Variants in RRAS2 observed in about 807,000 individuals in gnomAD.
RRAS2 encodes ras-related protein R-Ras2.
Under a neutral mutation model 27.6 loss-of-function variants are expected in RRAS2, and 7 were observed. The ratio of observed to expected loss-of-function variants is 0.25; its 90% CI spans 0.14 to 0.48. RRAS2 has a LOEUF of 0.48. RRAS2 is among the 20% of genes least tolerant of loss of function. The probability of loss-of-function intolerance (pLI) is 0.99; values close to 1 mark genes in which losing one functional copy is unlikely to be tolerated. For missense variants in RRAS2, 178 were observed against 256.2 expected, an observed-to-expected ratio of 0.69 and a Z score of 2.08; for synonymous variants, 86 against 90.9, an observed-to-expected ratio of 0.95 and a Z score of 0.31.
chr11:14,296,331 T>C (rs1289995987), intron 1 of RRAS2, among the ~76,000 whole-genome samples: 1 of 152,226 alleles, frequency 6.6e-6, no homozygotes, highest in African/African-American at 2.4e-5. Flanking sequence ...TTACCCTCTA[T>C]GACAATTCCC....
intron 1 of RRAS2, among the ~76,000 whole-genome samples, chr11:14,333,457 T>TA (rs1848522980): frequency 6.6e-6 from 1 of 152,114 alleles, no homozygotes; most frequent in South Asian, 2.1e-4. Flanking sequence ...GCATGTTCAA[T>TA]AAAGAAAATC....
intron 1 of RRAS2, among the ~76,000 whole-genome samples, chr11:14,314,814 G>A (rs1310564651): frequency 2.0e-5 from 3 of 152,044 alleles, no homozygotes; most frequent in Non-Finnish European, 4.4e-5. Context: ...TCAGCCTCCA[G>A]AGTAGCTGGG....
At chr11:14,297,598 C>T (rs916761584) in intron 1 of RRAS2, among the ~76,000 whole-genome samples, 5 of 152,078 alleles carry the variant, frequency 3.3e-5, no homozygotes, top group African/African-American at 7.2e-5. Flanking sequence ...CGCATCTCCA[C>T]GAAAAATTTA....
chr11:14,354,038 A>C (rs1206940101), intron 1 of RRAS2, among the ~76,000 whole-genome samples: 1 of 152,252 alleles, frequency 6.6e-6, no homozygotes, highest in African/African-American at 2.4e-5. Context: ...AAAATCTTCG[A>C]GATGTAGCAA....
intron 1 of RRAS2, among the ~76,000 whole-genome samples, chr11:14,297,015 G>C (rs868939152): frequency 6.6e-6 from 1 of 152,198 alleles, no homozygotes; most frequent in Middle Eastern, 3.4e-3. Flanking sequence ...TTGGTGACAG[G>C]ATGAGACCCT....
intron 1 of RRAS2, among the ~76,000 whole-genome samples, chr11:14,315,963 A>C (rs1434004063): frequency 1.3e-5 from 2 of 152,212 alleles, no homozygotes; most frequent in Non-Finnish European, 2.9e-5. Flanking sequence ...CTGTGATAAG[A>C]ATGTAAAAAT....
chr11:14,341,989 C>T lies in RRAS2; in HGVS notation c.108+16774G>A, dbSNP rs150234233. 9.6e-5 allele frequency: 52 copies of T among 543,410 alleles called. 1 individual carries two copies. Among genetic ancestry groups the T allele is most frequent in the African/African-American group, 4.7e-4 (24 of 50,566 alleles). 33.7% of individuals were successfully genotyped at this position (543,410 alleles called of 1,614,324 possible). ...ATCATATGATAGTATTCCTAAACTA[C>T]GTTTTGGAGAGGACACCACTGCAAA... On this transcript the variant is annotated intron_variant, in intron 1 of 5. Coordinates refer to ENST00000256196, the MANE Select transcript of RRAS2 (RefSeq NM_012250.6).
chr11:14,318,191 G>A (rs1225826430), intron 1 of RRAS2, among the ~76,000 whole-genome samples: 1 of 152,076 alleles, frequency 6.6e-6, no homozygotes, highest in African/African-American at 2.4e-5. Context: ...CTATATGGAT[G>A]TTCACTTCTT....
At chr11:14,294,372 ATT>A in intron 4 of RRAS2, 97 bp downstream of exon 4, 2 of 563,298 alleles carry the variant, frequency 3.6e-6, no homozygotes, top group Non-Finnish European at 5.7e-6. Flanking sequence ...GGAGCACCGT[ATT>A]TTTTTTTTAC....
chr11:14,315,732 A>AC (rs1848087000), intron 1 of RRAS2, among the ~76,000 whole-genome samples: 1 of 152,196 alleles, frequency 6.6e-6, no homozygotes, highest in Admixed American at 6.5e-5. Flanking sequence ...CTTAAAGTCT[A>AC]CTAAAAAAAA....
At chr11:14,334,289 GT>G (rs539039434) in intron 1 of RRAS2, among the ~76,000 whole-genome samples, 19 of 150,550 alleles carry the variant, frequency 1.3e-4, no homozygotes, top group Admixed American at 3.3e-4. Context: ...CTTTGTCCTG[GT>G]TTTTTTTTCC....
At chr11:14,336,236 G>A (rs935029046) in intron 1 of RRAS2, among the ~76,000 whole-genome samples, 2 of 152,054 alleles carry the variant, frequency 1.3e-5, no homozygotes, top group Admixed American at 6.6e-5. Context: ...CAGTAACAAG[G>A]CAGCACTTCC....
chr11:14,346,116 T>C (rs933384680), intron 1 of RRAS2, among the ~76,000 whole-genome samples: 5 of 152,166 alleles, frequency 3.3e-5, no homozygotes, highest in Admixed American at 6.5e-5. Flanking sequence ...TAAATATGTT[T>C]TGGAGACAGT....
At chr11:14,300,316 A>G (rs1191686020) in intron 1 of RRAS2, among the ~76,000 whole-genome samples, 1 of 152,200 alleles carries the variant, frequency 6.6e-6, no homozygotes, top group Non-Finnish European at 1.5e-5. Flanking sequence ...CATTGTCAGG[A>G]GATGTGGAGA....
chr11:14,360,697 G>A (rs531134041), upstream of RRAS2, among the ~76,000 whole-genome samples: 11 of 152,270 alleles, frequency 7.2e-5, no homozygotes, highest in Admixed American at 1.3e-4. Flanking sequence ...CAAGGCGGGC[G>A]GATCGCTTGA....
chr11:14,282,474 T>C (rs556160347), intron 4 of RRAS2, among the ~76,000 whole-genome samples: 38 of 152,198 alleles, frequency 2.5e-4, no homozygotes, highest in African/African-American at 8.2e-4. Context: ...ATAAACTGAA[T>C]GTAAGTTCCT....
chr11:14,356,628 G>A, intron 1 of RRAS2: 1 of 293,966 alleles, frequency 3.4e-6, no homozygotes, highest in South Asian at 2.9e-5. Context: ...ACATGCTCAA[G>A]TCTGTAAGAC....
At chr11:14,298,076 C>T (rs1847603492) in intron 1 of RRAS2, among the ~76,000 whole-genome samples, 1 of 151,618 alleles carries the variant, frequency 6.6e-6, no homozygotes, top group African/African-American at 2.4e-5. Context: ...ATAAATTTTA[C>T]TGGCAACAAT....
chr11:14,363,037 T>C (rs1411899591), upstream of RRAS2, among the ~76,000 whole-genome samples: 1 of 152,256 alleles, frequency 6.6e-6, no homozygotes, highest in Admixed American at 6.5e-5. Flanking sequence ...GTTGCCGATA[T>C]TTAAAAATAG....
Sources: gnomAD v4.1 joint callset for allele counts (sites outside exome capture counted in the v4.1 genomes callset) on GRCh38, gnomAD v4.1.1 for gene constraint, MANE v1.5 for transcripts, NCBI Gene and HGNC (gene_info 2026-07-23, HGNC 2026-07-21) for gene names.